AGAP3: variants seen among roughly 807,000 people sequenced by gnomAD.
The protein encoded by AGAP3 is ArfGAP with GTPase domain, ankyrin repeat and PH domain 3.
A neutral mutation model predicts 96.9 loss-of-function variants in AGAP3; 24 were observed. That is an observed-to-expected ratio of 0.25 (90% CI 0.18 to 0.35). The LOEUF (loss-of-function observed/expected upper bound fraction) is 0.35, where lower values mean the gene tolerates loss of function less well. Among genes scored for constraint, AGAP3 ranks in the 10% least tolerant of loss-of-function variants. AGAP3 has a pLI of 1.00. For missense variants in AGAP3, 876 were observed against 1,254.2 expected, an observed-to-expected ratio of 0.70 and a Z score of 4.55; for synonymous variants, 563 against 536.1, an observed-to-expected ratio of 1.05 and a Z score of -0.69.
At chr7:151,138,745 CG>C (rs1800706303) in intron 12 of AGAP3, among the ~76,000 whole-genome samples, 1 of 152,180 alleles carries the variant, frequency 6.6e-6, no homozygotes, top group Non-Finnish European at 1.5e-5. Flanking sequence ...GGAGGTCGGA[CG>C]GAGGCTGGGC....
At chr7:151,109,815 G>T (rs944635580) in intron 1 of AGAP3, among the ~76,000 whole-genome samples, 2 of 152,214 alleles carry the variant, frequency 1.3e-5, no homozygotes, top group African/African-American at 4.8e-5. Flanking sequence ...TTCTGATGTG[G>T]AGAGGGCTGG....
intron 8 of AGAP3, among the ~76,000 whole-genome samples, chr7:151,120,360 G>C (rs1448083300): frequency 6.6e-6 from 1 of 152,088 alleles, no homozygotes; most frequent in Non-Finnish European, 1.5e-5. Context: ...TTCCAGTAGC[G>C]GCCCTTACCC....
intron 10 of AGAP3, among the ~76,000 whole-genome samples, chr7:151,131,920 G>A (rs903512775): frequency 6.6e-6 from 1 of 152,214 alleles, no homozygotes; most frequent in Non-Finnish European, 1.5e-5. Context: ...AGGAGGGACT[G>A]CAGCTGTGCC....
chr7:151,117,967 T>C, intron 5 of AGAP3, 190 bp downstream of exon 5: 1 of 909,750 alleles, frequency 1.1e-6, no homozygotes, highest in Non-Finnish European at 1.6e-6. Context: ...CTGCTGTCCC[T>C]GTGACTAGCA....
rs1356477643 is a variant in AGAP3 at position 151,117,784 on chromosome 7, C to T, written c.706+7C>T. ...GTGCTTGTGGGCACGCAGGGTGAGGCGGGGCCCTGCAGGAGCTGGCAGAGA... is the reference window on the plus strand; with the variant it reads ...GTGCTTGTGGGCACGCAGGGTGAGGTGGGGCCCTGCAGGAGCTGGCAGAGA... On this transcript the variant is annotated splice_region_variant and intron_variant, in intron 5 of 17. Transcript: ENST00000397238. The T allele has an allele frequency of 3.7e-6, 6 of 1,610,176 alleles. No individual in the cohort carries two copies. The highest frequency in any genetic ancestry group is 2.2e-5 in the East Asian group (1 of 44,850).
At position 151,142,499 on chromosome 7, in the gene AGAP3, G is replaced by A. The variant is rs1238698350; in HGVS notation, c.2138G>A (p.Arg713Gln). The A allele has an allele frequency of 1.2e-6, 2 of 1,613,918 alleles. No individual in the cohort carries two copies. Among genetic ancestry groups the A allele is most frequent in the Non-Finnish European group, 1.7e-6 (2 of 1,180,040 alleles). Residue 713 changes from arginine (R) to glutamine (Q), a missense_variant, in exon 16 of 18, where the codon CGG becomes CAG. Physicochemically the swap from Arg to Gln is conservative, Grantham distance 43 (BLOSUM62 1). Around this residue, in one of 8 missense-constraint regions of AGAP3, gnomAD observed 103 missense variants for 183.0 expected, o/e 0.56. Transcript: ENST00000397238. This position sits in a 1 kb window ranked among gnomAD's most constrained non-coding sequence, Gnocchi z 7.5. ...CGACACCTGGGGGCTCACCTGTCCC[G>A]GGTGCGCTCCCTTGACCTCGATGAC... The part of the protein sequence containing the change: ...IHRHLGAHLS[R>Q]VRSLDLDDWP...
intron 8 of AGAP3, among the ~76,000 whole-genome samples, chr7:151,122,512 C>T (rs571770227): frequency 1.3e-5 from 2 of 152,062 alleles, no homozygotes; most frequent in South Asian, 2.1e-4. Context: ...CGCCCGCCGC[C>T]GCCGCCGCCT....
intron 1 of AGAP3, chr7:151,115,071 A>G: frequency 9.8e-7 from 1 of 1,019,004 alleles, no homozygotes; most frequent in Non-Finnish European, 1.2e-6. Flanking sequence ...GCCTGCGCCC[A>G]GCCCCGCGTC....
chr7:151,122,349 C>G (rs1201011601), intron 8 of AGAP3, among the ~76,000 whole-genome samples: 1 of 152,246 alleles, frequency 6.6e-6, no homozygotes, highest in Non-Finnish European at 1.5e-5. Flanking sequence ...TTCTCCCACG[C>G]TGCAGTTGTG....
intron 1 of AGAP3, chr7:151,115,115 C>T (rs925406443): frequency 1.1e-5 from 11 of 1,034,010 alleles, no homozygotes; most frequent in Non-Finnish European, 1.3e-5. Flanking sequence ...GCCGCACCCG[C>T]GGGGAGCCGA....
chr7:151,125,523 G>A (rs1228440179), intron 9 of AGAP3, among the ~76,000 whole-genome samples: 1 of 152,242 alleles, frequency 6.6e-6, no homozygotes, highest in Non-Finnish European at 1.5e-5. Context: ...GGGGGCAGGT[G>A]TCAGAGGCCT....
At position 151,143,836 on chromosome 7, in the gene AGAP3, C is replaced by T. The variant is rs1025794910; in HGVS notation, c.2629C>T (p.His877Tyr). The T allele has an allele frequency of 9.9e-6, 16 of 1,614,076 alleles. No individual in the cohort carries two copies. The African/African-American group carries it at 2.1e-4, about 22-fold the overall frequency. ...SQECADILIQHGCPGEGCGLA... is the reference protein window; with the variant it reads ...SQECADILIQYGCPGEGCGLA... ...GGAGTGTGCAGACATCTTGATCCAG[C>T]ATGGCTGCCCTGGGGAGGGCTGTGG... is the stretch of plus-strand genomic sequence containing the variant. The change falls in exon 18 of 18, where the codon CAT (histidine) becomes TAT (tyrosine). Residue 877 changes from histidine to tyrosine, a missense_variant. His to Tyr is a moderately conservative substitution (Grantham distance 83, BLOSUM62 2). Around this residue, in one of 8 missense-constraint regions of AGAP3, gnomAD observed 213 missense variants for 253.8 expected, o/e 0.84. Coordinates refer to ENST00000397238, the MANE Select transcript of AGAP3 (RefSeq NM_031946.7). The surrounding 1 kb of genome is among the most constrained non-coding windows in gnomAD (Gnocchi z 5.9).
At chr7:151,116,024 G>A (rs1181691444) in intron 1 of AGAP3, among the ~76,000 whole-genome samples, 2 of 152,222 alleles carry the variant, frequency 1.3e-5, no homozygotes, top group East Asian at 3.9e-4. Flanking sequence ...CAGTGCCTCT[G>A]GGAGCCAGGG....
At chr7:151,090,953 CAAAA>C (rs1798373590) in intron 1 of AGAP3, among the ~76,000 whole-genome samples, 1 of 151,926 alleles carries the variant, frequency 6.6e-6, no homozygotes, top group African/African-American at 2.4e-5. Context: ...CAAAAAAAAA[CAAAA>C]ACAAAACAAA....
At chr7:151,107,182 C>T (rs1196562857) in intron 1 of AGAP3, among the ~76,000 whole-genome samples, 5 of 151,972 alleles carry the variant, frequency 3.3e-5, no homozygotes, top group East Asian at 3.9e-4. Flanking sequence ...TGGTGGCACG[C>T]ACCTGTAATC....
rs761014833 is a variant in AGAP3, at chr7:151,116,812, G to A, written c.351G>A (p.Gln117=). ...CCGCAGACTCGTTTGTGAACAGCCA[G>A]GAGTGGACGCTGAGCCGCTCCGTAC... is the stretch of plus-strand genomic sequence containing the variant. ...ISIEDSFVNS[Q]EWTLSRSVPE... The change falls in exon 2 of 18, where the codon CAG becomes CAA. Residue 117 remains glutamine, a synonymous_variant. Transcript: ENST00000397238. The A allele has an allele frequency of 6.2e-7, 1 of 1,614,120 alleles. No individual in the cohort carries two copies. Among genetic ancestry groups the A allele is most frequent in the Non-Finnish European group, 8.5e-7 (1 of 1,180,012 alleles).
rs571691176 is a variant in AGAP3 at position 151,100,215 on chromosome 7, C to T, written c.331+13143C>T. On this transcript the variant is annotated intron_variant, in intron 1 of 17. Coordinates refer to ENST00000397238, the MANE Select transcript of AGAP3 (RefSeq NM_031946.7). ...TGGGGATTTCGTGCTCCCCCAGCTG[C>T]GGTGCTGTTTTGGAGGGAGATGCCG... 2.0e-5 allele frequency among the ~76,000 whole-genome samples: 3 copies of T among 152,304 alleles called. No homozygotes were observed. The East Asian group carries it at 5.8e-4, about 29-fold the overall frequency.
intron 1 of AGAP3, among the ~76,000 whole-genome samples, chr7:151,094,346 C>A (rs74323555): frequency 6.6e-6 from 1 of 152,026 alleles, no homozygotes; most frequent in Non-Finnish European, 1.5e-5. Context: ...ACTCTGGGGT[C>A]GGCACATTTT....
At position 151,086,702 on chromosome 7, in the gene AGAP3, G is replaced by GCCGCC. The variant is rs1798162859; in HGVS notation, c.-36_-32dup. ...CCGCCGCCGCCGCCGCCTCCGCCGC[G>GCCGCC]CCGCCCCGGGCCCGCCTCGGGCCCC... On this transcript the variant is annotated 5_prime_UTR_variant, in exon 1 of 18. Coordinates refer to ENST00000397238, the MANE Select transcript of AGAP3 (RefSeq NM_031946.7). 2.5e-6 allele frequency: 1 copy of GCCGCC among 393,796 alleles called. No homozygotes were observed. Among genetic ancestry groups the GCCGCC allele is most frequent in the Admixed American group, 6.9e-5 (1 of 14,424 alleles). The allele number at this position is 393,796 out of a possible 1,614,324, so 24.4% of individuals were successfully genotyped here. A position where few individuals can be genotyped will look rare whatever the true frequency, so the allele number is the denominator to read the frequency against.
Sources: gnomAD v4.1 joint callset for allele counts (sites outside exome capture counted in the v4.1 genomes callset) on GRCh38, gnomAD v4.1.1 for gene constraint, gnomAD v4.1.1 regional missense constraint, Gnocchi (gnomAD v3.1) non-coding constraint, MANE v1.5 for transcripts, NCBI Gene and HGNC (gene_info 2026-07-23, HGNC 2026-07-21) for gene names.